The following DDX46 variants were observed in gnomAD, a reference collection of about 807,000 sequenced individuals.
DDX46 encodes DEAD-box helicase 46.
Under a neutral mutation model 134.9 loss-of-function variants are expected in DDX46, and 30 were observed. That is an observed-to-expected ratio of 0.22 (90% CI 0.17 to 0.30). The LOEUF (loss-of-function observed/expected upper bound fraction) is 0.30, where lower values mean the gene tolerates loss of function less well. Ranked by LOEUF, DDX46 falls within the 10% of genes least tolerant of loss-of-function variation. DDX46 has a pLI of 1.00. For missense variants in DDX46, 622 were observed against 1,248.7 expected (o/e 0.50, Z 7.56); for synonymous variants, 415 against 404.1 (o/e 1.03, Z -0.32).
intron 21 of DDX46, among the ~76,000 whole-genome samples, chr5:134,822,856 C>T (rs1580822680): frequency 6.6e-6 from 1 of 152,118 alleles, no homozygotes; most frequent in Non-Finnish European, 1.5e-5. Context: ...GGATTACAAA[C>T]GTGAGCCACC....
chr5:134,801,960 C>T (rs951971141), intron 15 of DDX46, among the ~76,000 whole-genome samples: 4 of 151,970 alleles, frequency 2.6e-5, no homozygotes, highest in African/African-American at 9.7e-5. Context: ...GTGTGGGGTT[C>T]ATTTAACTTC....
At chr5:134,767,549 C>T (rs1308398553) in intron 3 of DDX46, among the ~76,000 whole-genome samples, 1 of 152,016 alleles carries the variant, frequency 6.6e-6, no homozygotes, top group Non-Finnish European at 1.5e-5. Context: ...GCATGTTTGC[C>T]AGGCTGGTCT....
chr5:134,762,109 AAAAG>A (rs1360621100), intron 1 of DDX46, among the ~76,000 whole-genome samples: 1 of 152,038 alleles, frequency 6.6e-6, no homozygotes, highest in Non-Finnish European at 1.5e-5. Context: ...ATGAAAAATA[AAAAG>A]AAATAAATAG....
intron 5 of DDX46, among the ~76,000 whole-genome samples, chr5:134,776,901 G>A (rs565479645): frequency 5.2e-5 from 7 of 133,630 alleles, no homozygotes; most frequent in East Asian, 4.6e-4. Context: ...GCAACAGAGC[G>A]AGACTCTGTC....
At chr5:134,820,031 C>T (rs905905755) in intron 21 of DDX46, among the ~76,000 whole-genome samples, 3 of 152,012 alleles carry the variant, frequency 2.0e-5, no homozygotes, top group Admixed American at 6.6e-5. Flanking sequence ...AAGCAGTTCT[C>T]CTGCCTCAGC....
At chr5:134,769,865 A>G (rs748895402) in intron 3 of DDX46, among the ~76,000 whole-genome samples, 51 of 151,960 alleles carry the variant, frequency 3.4e-4, no homozygotes, top group Non-Finnish European at 5.1e-4. Context: ...GTTTCACCAT[A>G]TTGGCCAGGA....
chr5:134,801,186 G>T (rs1371048948), intron 15 of DDX46, among the ~76,000 whole-genome samples: 1 of 151,994 alleles, frequency 6.6e-6, no homozygotes, highest in Non-Finnish European at 1.5e-5. Context: ...TGGGAGGGAG[G>T]ATTGTTTAAG....
At chr5:134,791,064 C>A (rs961429026) in intron 13 of DDX46, among the ~76,000 whole-genome samples, 2 of 152,212 alleles carry the variant, frequency 1.3e-5, no homozygotes, top group African/African-American at 4.8e-5. Flanking sequence ...GTGATCCACC[C>A]GCCTTGGCCT....
At chr5:134,779,751 A>G (rs761399717) in intron 6 of DDX46, among the ~76,000 whole-genome samples, 25 of 152,302 alleles carry the variant, frequency 1.6e-4, no homozygotes, top group Middle Eastern at 3.4e-3. Flanking sequence ...TGGCCTCCCA[A>G]AGTGCTGGGA....
At chr5:134,800,200 G>C (rs1350129416) in intron 15 of DDX46, among the ~76,000 whole-genome samples, 1 of 152,044 alleles carries the variant, frequency 6.6e-6, no homozygotes, top group African/African-American at 2.4e-5. Flanking sequence ...CACCTGCCTC[G>C]GCCTTCCAAA....
At chr5:134,795,204 GTT>G (rs879550711) in intron 14 of DDX46, among the ~76,000 whole-genome samples, 190 bp downstream of exon 14, 1 of 125,740 alleles carries the variant, frequency 8.0e-6, no homozygotes, top group Admixed American at 7.8e-5. Context: ...TAAAATGCTT[GTT>G]TTTTTTTTTT....
intron 2 of DDX46, among the ~76,000 whole-genome samples, chr5:134,765,011 T>G (rs1428034442): frequency 6.6e-6 from 1 of 151,812 alleles, no homozygotes; most frequent in African/African-American, 2.4e-5. Flanking sequence ...CCTCTTAAAC[T>G]ATTTTAATGA....
At chr5:134,805,395 T>C (rs1003329541) in intron 15 of DDX46, among the ~76,000 whole-genome samples, 4 of 152,134 alleles carry the variant, frequency 2.6e-5, no homozygotes, top group Admixed American at 2.6e-4. Flanking sequence ...CTTGAAATCC[T>C]GAGCTTGTAA....
intron 19 of DDX46, 145 bp from the exon 20 acceptor site, chr5:134,817,351 A>G (rs1755312395): frequency 2.7e-6 from 2 of 727,652 alleles, no homozygotes; most frequent in Non-Finnish European, 4.4e-6. Context: ...TAAATCACAC[A>G]TATCAATGAG....
chr5:134,800,872 C>G (rs761093544), intron 15 of DDX46, among the ~76,000 whole-genome samples: 1 of 152,112 alleles, frequency 6.6e-6, no homozygotes, highest in Non-Finnish European at 1.5e-5. Flanking sequence ...GATGGGTTGT[C>G]GTCATGTTGG....
chr5:134,784,139 A>G (rs973776742), intron 9 of DDX46, among the ~76,000 whole-genome samples: 3 of 152,198 alleles, frequency 2.0e-5, no homozygotes, highest in Non-Finnish European at 2.9e-5. Flanking sequence ...GGGATCAAAC[A>G]ATATATAGTC....
chr5:134,783,134 C>T, intron 9 of DDX46, 69 bp downstream of exon 9: 5 of 1,532,134 alleles, frequency 3.3e-6, no homozygotes, highest in Non-Finnish European at 4.4e-6. Context: ...ACACCAGTGT[C>T]TCCCTGAGTT....
chr5:134,786,778 G>A (rs1754349651), intron 11 of DDX46, among the ~76,000 whole-genome samples: 1 of 152,172 alleles, frequency 6.6e-6, no homozygotes, highest in Admixed American at 6.5e-5. Flanking sequence ...CTGGGAGGCG[G>A]AGGTTGCAGT....
At position 134,781,116 on chromosome 5, in the gene DDX46, T is replaced by C; in HGVS notation, c.766-17T>C. The C allele has an allele frequency of 6.4e-7, 1 of 1,552,684 alleles. No individual in the cohort carries two copies. The highest frequency in any genetic ancestry group is 8.7e-7 in the Non-Finnish European group (1 of 1,155,738). The stretch of plus-strand genomic sequence containing the variant: ...TTTCAGCTTTGCAAAATATTCTATA[T>C]TTGTTCTTTATTTTAGAAGTCTGGG... On this transcript the variant is annotated splice_polypyrimidine_tract_variant and intron_variant, in intron 6 of 22. Coordinates refer to ENST00000452510, the MANE Select transcript of DDX46 (RefSeq NM_001300860.2).
Sources: allele counts gnomAD v4.1 joint callset (sites outside exome capture counted in the v4.1 genomes callset), GRCh38; gene constraint gnomAD v4.1.1; transcripts MANE v1.5; gene names NCBI Gene and HGNC (gene_info 2026-07-23, HGNC 2026-07-21).